Variants in PLCB1 observed in about 807,000 individuals in gnomAD.
PLCB1 encodes phospholipase C beta 1, also known as 1-phosphatidylinositol 4,5-bisphosphate phosphodiesterase beta-1.
A neutral mutation model predicts 161.8 loss-of-function variants in PLCB1; 46 were observed. That is an observed-to-expected ratio of 0.28 (90% CI 0.22 to 0.36). PLCB1 has a LOEUF of 0.36. Ranked by LOEUF, PLCB1 falls within the 10% of genes least tolerant of loss-of-function variation. The pLI is 1.00. For synonymous variants in PLCB1, 517 were observed against 503.7 expected (o/e 1.03, Z -0.35); for missense variants, 1,016 against 1,472.5 (o/e 0.69, Z 5.07).
chr20:8,150,248 C>CT, intron 1 of PLCB1, 46 bp from the exon 2 acceptor site: 1 of 810,706 alleles, frequency 1.2e-6, no homozygotes, highest in South Asian at 1.7e-5. Flanking sequence ...ATAGATTTTT[C>CT]TACAGTGATA....
intron 2 of PLCB1, among the ~76,000 whole-genome samples, chr20:8,246,283 G>A (rs901117335): frequency 9.2e-5 from 14 of 151,898 alleles, no homozygotes; most frequent in African/African-American, 3.4e-4. Flanking sequence ...TTGCATCTGG[G>A]CTCATTCAAG....
chr20:8,137,561 T>G (rs1392916224), intron 1 of PLCB1, among the ~76,000 whole-genome samples: 1 of 152,230 alleles, frequency 6.6e-6, no homozygotes, highest in Non-Finnish European at 1.5e-5. Flanking sequence ...TGTAAGAGCA[T>G]AACTCTTTTG....
chr20:8,875,513 A>T (rs1003192234), intron 31 of PLCB1, among the ~76,000 whole-genome samples: 1 of 147,624 alleles, frequency 6.8e-6, no homozygotes, highest in African/African-American at 2.5e-5. Flanking sequence ...AAATATTTTT[A>T]TATATAAATA....
At chr20:8,771,966 C>T (rs1190965143) in intron 26 of PLCB1, among the ~76,000 whole-genome samples, 2 of 151,632 alleles carry the variant, frequency 1.3e-5, no homozygotes, top group Non-Finnish European at 2.9e-5. Context: ...ACTGCAGTCT[C>T]GACCTCCTGG....
rs75686917 is a variant in PLCB1, at chr20:8,313,433, C to T, written c.178-57949C>T. Among the ~76,000 whole-genome samples, 1,246 of 152,186 alleles carry T rather than the reference C, an allele frequency of 8.2e-3. 19 individuals carry two copies. The highest frequency in any genetic ancestry group is 0.028 in the African/African-American group (1,149 of 41,514). ...AGCAAAGATGAGAGCAAGCAAGGCA[C>T]TTACACCCTTTCAAGCCTCCACCTG... On this transcript the variant is annotated intron_variant, in intron 2 of 31. Transcript: ENST00000338037.
intron 3 of PLCB1, among the ~76,000 whole-genome samples, chr20:8,449,751 T>G (rs1475775538): frequency 6.6e-6 from 1 of 152,228 alleles, no homozygotes; most frequent in East Asian, 1.9e-4. Flanking sequence ...TCTATGCTCC[T>G]CATTTCTGCA....
At chr20:8,769,135 G>A (rs1982533844) in intron 26 of PLCB1, among the ~76,000 whole-genome samples, 1 of 152,134 alleles carries the variant, frequency 6.6e-6, no homozygotes. Flanking sequence ...GACAGTTCTT[G>A]TCTTCCTCAG....
intron 2 of PLCB1, among the ~76,000 whole-genome samples, chr20:8,271,361 G>A (rs1982271876): frequency 6.6e-6 from 1 of 152,108 alleles, no homozygotes; most frequent in Non-Finnish European, 1.5e-5. Context: ...CATGAAGGGT[G>A]TGTACATACC....
At chr20:8,520,521 T>A (rs1171358577) in intron 3 of PLCB1, among the ~76,000 whole-genome samples, 2 of 152,150 alleles carry the variant, frequency 1.3e-5, no homozygotes, top group African/African-American at 4.8e-5. Context: ...AGTACTTTAT[T>A]AAAGTACAAT....
chr20:8,241,007 A>T (rs1980583141), intron 2 of PLCB1, among the ~76,000 whole-genome samples: 1 of 151,900 alleles, frequency 6.6e-6, no homozygotes, highest in East Asian at 1.9e-4. Flanking sequence ...TGAACACGAG[A>T]TTCTTTACTT....
At chr20:8,633,125 C>T (rs6039210) in intron 4 of PLCB1, among the ~76,000 whole-genome samples, 2 of 148,494 alleles carry the variant, frequency 1.3e-5, no homozygotes, top group African/African-American at 2.6e-5. Context: ...CACACACACA[C>T]ACACACACAC....
chr20:8,469,568 T>G (rs1981963186), intron 3 of PLCB1, among the ~76,000 whole-genome samples: 1 of 152,040 alleles, frequency 6.6e-6, no homozygotes, highest in Admixed American at 6.6e-5. Flanking sequence ...AGCTTCTTTT[T>G]TAAAAAAAAG....
At chr20:8,430,562 A>AGACTGGTTCTGATGTGAAAG (rs1478680871) in intron 3 of PLCB1, among the ~76,000 whole-genome samples, 1 of 152,200 alleles carries the variant, frequency 6.6e-6, no homozygotes, top group Non-Finnish European at 1.5e-5. Flanking sequence ...GTTAGGAGGA[A>AGACTGGTTCTGATGTGAAAG]GACTGGTTCT....
intron 3 of PLCB1, among the ~76,000 whole-genome samples, chr20:8,474,615 G>A (rs917542225): frequency 2.0e-5 from 3 of 152,190 alleles, no homozygotes; most frequent in African/African-American, 7.2e-5. Flanking sequence ...TGACTATTGA[G>A]CCATAAAGCC....
At chr20:8,508,509 C>T (rs751397181) in intron 3 of PLCB1, among the ~76,000 whole-genome samples, 2 of 152,134 alleles carry the variant, frequency 1.3e-5, no homozygotes, top group Admixed American at 6.5e-5. Flanking sequence ...GATGGCTGTA[C>T]GTACTATCCT....
intron 2 of PLCB1, among the ~76,000 whole-genome samples, chr20:8,311,894 G>A (rs1289445363): frequency 6.6e-6 from 1 of 152,142 alleles, no homozygotes; most frequent in African/African-American, 2.4e-5. Context: ...GGAGTGATGA[G>A]AAGACCTTGC....
At chr20:8,632,770 G>C (rs564289664) in intron 4 of PLCB1, among the ~76,000 whole-genome samples, 1 of 152,148 alleles carries the variant, frequency 6.6e-6, no homozygotes, top group African/African-American at 2.4e-5. Flanking sequence ...AAGGGCAAGC[G>C]TGACAGCAGC....
At chr20:8,787,126 T>G (rs1408252670) in intron 27 of PLCB1, among the ~76,000 whole-genome samples, 1 of 152,326 alleles carries the variant, frequency 6.6e-6, no homozygotes, top group Admixed American at 6.5e-5. Flanking sequence ...AAGTTAGGCT[T>G]GAAGGCAATT....
At chr20:8,286,857 C>T (rs1005191002) in intron 2 of PLCB1, among the ~76,000 whole-genome samples, 1 of 152,038 alleles carries the variant, frequency 6.6e-6, no homozygotes, top group Admixed American at 6.6e-5. Flanking sequence ...TTCCTGTTCT[C>T]CTTGTAAGTA....
Sources: gnomAD v4.1 joint callset for allele counts (sites outside exome capture counted in the v4.1 genomes callset) on GRCh38, gnomAD v4.1.1 for gene constraint, MANE v1.5 for transcripts, NCBI Gene and HGNC (gene_info 2026-07-23, HGNC 2026-07-21) for gene names.